The following GARIN5B variants were observed in gnomAD, a reference collection of about 807,000 sequenced individuals.
GARIN5B encodes the protein Golgi-associated RAB2 interactor protein 5B.
chr19:55,362,546 G>T, the GARIN5B span: 23 of 1,529,374 alleles, frequency 1.5e-5, no homozygotes, highest in Non-Finnish European at 2.0e-5. Context: ...GAGGGGTGGA[G>T]GGGGCGGCCG....
the GARIN5B span, chr19:55,363,200 G>A: frequency 1.0e-6 from 1 of 957,946 alleles, no homozygotes; most frequent in Admixed American, 3.9e-5. This position sits in a 1 kb window ranked among gnomAD's most constrained non-coding sequence, Gnocchi z 4.0. Flanking sequence ...GCGTGGAGAT[G>A]CCCCAGGCTG....
chr19:55,355,470 G>GT, the GARIN5B span: 1 of 910,650 alleles, frequency 1.1e-6, no homozygotes, highest in Non-Finnish European at 1.7e-6. Context: ...GTCTTGCTGT[G>GT]TGTTTGGCTC....
the GARIN5B span, among the ~76,000 whole-genome samples, chr19:55,360,445 C>T: frequency 2.1e-5 from 3 of 144,590 alleles, no homozygotes; most frequent in African/African-American, 7.7e-5. Flanking sequence ...ACTCAGGAGT[C>T]CAGGCCCCCA....
chr19:55,361,083 C>G, the GARIN5B span: 1 of 1,551,274 alleles, frequency 6.4e-7, no homozygotes. Flanking sequence ...CGGCCTGAGA[C>G]TTGAAACTGC....
the GARIN5B span, chr19:55,359,469 CAGGTACGGCTGGGGCCTTCTGGGATGGA>C: frequency 1.9e-6 from 3 of 1,546,514 alleles, no homozygotes; most frequent in Non-Finnish European, 2.6e-6. Flanking sequence ...TGGGATGGAG[CAGGTACGGCTGGGGCCTTCTGGGATGGA>C]GCAGGTACAG....
At chr19:55,358,930 G>A in the GARIN5B span, 210 of 1,551,132 alleles carry the variant, frequency 1.4e-4, 4 homozygotes, top group South Asian at 2.5e-3. Flanking sequence ...TCGCCCAGTG[G>A]GCCCAGTCCT....
At chr19:55,354,910 A>C in the GARIN5B span, 3 of 212,358 alleles carry the variant, frequency 1.4e-5, no homozygotes, top group African/African-American at 7.4e-5. Context: ...CGACTCGCTG[A>C]GTCTCAGGCT....
the GARIN5B span, chr19:55,360,678 G>A: frequency 2.1e-5 from 33 of 1,549,288 alleles, 1 homozygote; most frequent in Middle Eastern, 3.8e-4. Flanking sequence ...GCCCTGCCCC[G>A]GGTATAAGGC....
At chr19:55,358,005 G>A in the GARIN5B span, 3 of 976,040 alleles carry the variant, frequency 3.1e-6, no homozygotes, top group Non-Finnish European at 4.1e-6. Context: ...AGTGAGCCAA[G>A]ATCATACCAC....
the GARIN5B span, chr19:55,361,533 G>A: frequency 7.2e-6 from 9 of 1,245,264 alleles, no homozygotes; most frequent in South Asian, 3.5e-5. Flanking sequence ...AGGACCTGAC[G>A]ATCCAGCTCC....
chr19:55,358,468 G>A, the GARIN5B span: 1 of 1,531,740 alleles, frequency 6.5e-7, no homozygotes, highest in South Asian at 1.2e-5. Flanking sequence ...AGGTGGGCTT[G>A]GAGCGAAAGG....
At chr19:55,360,999 C>T in the GARIN5B span, 2 of 1,550,770 alleles carry the variant, frequency 1.3e-6, no homozygotes, top group Non-Finnish European at 8.7e-7. Context: ...CCCACGCCCA[C>T]TTCTTTTCTG....
chr19:55,359,574 G>C, the GARIN5B span: 6 of 1,551,148 alleles, frequency 3.9e-6, no homozygotes, highest in Non-Finnish European at 5.2e-6. Flanking sequence ...CCAGGTGGGG[G>C]TTTCCACGAT....
chr19:55,358,642 G>C, the GARIN5B span: 1 of 1,551,290 alleles, frequency 6.4e-7, no homozygotes, highest in South Asian at 1.2e-5. Flanking sequence ...ACAGCTGGCC[G>C]GGGCGGGAGG....
At chr19:55,362,769 T>A in the GARIN5B span, 1 of 1,507,574 alleles carries the variant, frequency 6.6e-7, no homozygotes, top group Admixed American at 2.1e-5. Context: ...GGACCACTCC[T>A]TCCTCCAGCA....
chr19:55,359,282 G>T, the GARIN5B span: 1 of 1,529,336 alleles, frequency 6.5e-7, no homozygotes, highest in Non-Finnish European at 8.8e-7. Context: ...GAGGAGTAGA[G>T]ATTTCTTCTT....
At chr19:55,360,983 C>G in the GARIN5B span, 74 of 1,549,618 alleles carry the variant, frequency 4.8e-5, no homozygotes, top group Admixed American at 9.8e-5. Flanking sequence ...CCACCGGCAA[C>G]AAGACCCCAC....
chr19:55,362,400 C>T, the GARIN5B span: 773 of 1,550,364 alleles, frequency 5.0e-4, 1 homozygote, highest in Non-Finnish European at 6.5e-4. Context: ...TTGTCAGGGG[C>T]GTCCAGGGCC....
At chr19:55,362,875 C>T in the GARIN5B span, 1 of 1,469,222 alleles carries the variant, frequency 6.8e-7, no homozygotes, top group Non-Finnish European at 9.0e-7. Context: ...GCCTTGCTTC[C>T]CCTCTGTCCC....
Sources: allele counts gnomAD v4.1 joint callset (sites outside exome capture counted in the v4.1 genomes callset), GRCh38; gene constraint gnomAD v4.1.1; non-coding constraint Gnocchi (gnomAD v3.1); transcripts MANE v1.5; gene names NCBI Gene and HGNC (gene_info 2026-07-23, HGNC 2026-07-21).